The following CHRDL2 variants were observed in gnomAD, a reference collection of about 807,000 sequenced individuals.
CHRDL2 encodes the protein chordin like 2, also known as chordin-like protein 2.
A neutral mutation model predicts 54.3 loss-of-function variants in CHRDL2; 41 were observed. That is an observed-to-expected ratio of 0.76 (90% confidence interval 0.59 to 0.98). The LOEUF is 0.98. Ranked by LOEUF, CHRDL2 falls within the 50% of genes least tolerant of loss-of-function variation. The probability of loss-of-function intolerance (pLI) is 0.00; values close to 1 mark genes in which losing one functional copy is unlikely to be tolerated. For synonymous variants in CHRDL2, 220 were observed against 224.3 expected, an observed-to-expected ratio of 0.98 and a Z score of 0.17; for missense variants, 518 against 562.4, an observed-to-expected ratio of 0.92 and a Z score of 0.80.
At chr11:74,707,390 G>C (rs2135248449) in intron 5 of CHRDL2, among the ~76,000 whole-genome samples, 1 of 152,278 alleles carries the variant, frequency 6.6e-6, no homozygotes, top group Admixed American at 6.5e-5. Flanking sequence ...ACCTCCTCCA[G>C]GAGGCTTTCC....
intron 1 of CHRDL2, among the ~76,000 whole-genome samples, chr11:74,729,393 T>C (rs931988588): frequency 1.3e-5 from 2 of 152,268 alleles, no homozygotes; most frequent in African/African-American, 4.8e-5. Flanking sequence ...TCTGGATTAG[T>C]ATCTCTCTTA....
chr11:74,716,313 G>C (rs558717572), intron 2 of CHRDL2, among the ~76,000 whole-genome samples: 32 of 152,250 alleles, frequency 2.1e-4, no homozygotes, highest in African/African-American at 7.7e-4. Flanking sequence ...AAAGAGGGCA[G>C]ATCATGAGAT....
intron 4 of CHRDL2, among the ~76,000 whole-genome samples, chr11:74,710,080 G>C (rs1275032281): frequency 6.6e-6 from 1 of 152,100 alleles, no homozygotes; most frequent in Non-Finnish European, 1.5e-5. Context: ...GCTGGGCGTG[G>C]TGGTGGGCGC....
At chr11:74,701,779 T>C (rs1298451317) in intron 9 of CHRDL2, 1 of 552,700 alleles carries the variant, frequency 1.8e-6, no homozygotes, top group Non-Finnish European at 3.3e-6. Flanking sequence ...ATTTTTCTTA[T>C]CATCATTCCC....
chr11:74,708,428 G>C, intron 4 of CHRDL2, 33 bp from the exon 5 acceptor site: 1 of 1,484,964 alleles, frequency 6.7e-7, no homozygotes, highest in South Asian at 1.2e-5. Context: ...TGGGAAATGA[G>C]CTCTGATAAG....
At chr11:74,701,087 A>G (rs997286000) in intron 9 of CHRDL2, 1 of 152,360 alleles carries the variant, frequency 6.6e-6, no homozygotes, top group Non-Finnish European at 1.5e-5. Context: ...AAGTGTGACA[A>G]AGTTCTTCTT....
At chr11:74,701,751 G>T (rs2033819784) in intron 9 of CHRDL2, 3 of 542,740 alleles carry the variant, frequency 5.5e-6, no homozygotes. Flanking sequence ...ACACACATTG[G>T]TTATTATTAT....
chr11:74,717,527 G>T (rs1168088254), intron 2 of CHRDL2, among the ~76,000 whole-genome samples: 1 of 152,156 alleles, frequency 6.6e-6, no homozygotes. Context: ...CATGGTGGGG[G>T]TTGTGTCCCC....
At chr11:74,703,062 C>T (rs536653314) in intron 8 of CHRDL2, 95 bp from the exon 9 acceptor site, 38 of 1,249,420 alleles carry the variant, frequency 3.0e-5, no homozygotes, top group Middle Eastern at 2.0e-4. Context: ...TCATGGAATC[C>T]GGAACATTAC....
chr11:74,704,760 G>C lies in CHRDL2; in HGVS notation c.583-106C>G, dbSNP rs1224700633. 13 of 1,111,950 alleles carry C rather than the reference G, an allele frequency of 1.2e-5. No individual in the cohort carries two copies. In the East Asian group the frequency reaches 3.3e-4, roughly 28 times the overall value. 68.9% of individuals were successfully genotyped at this position (1,111,950 alleles called of 1,614,324 possible). ...AGCAAGAGGCTGTGGGGAGACCCCAGCATGACTTCCCAGAGAAGAGAAGGT... is the reference window on the plus strand; with the variant it reads ...AGCAAGAGGCTGTGGGGAGACCCCACCATGACTTCCCAGAGAAGAGAAGGT... On this transcript the variant is annotated intron_variant, in intron 6 of 10. Transcript: ENST00000376332.
intron 5 of CHRDL2, 149 bp from the exon 6 acceptor site, chr11:74,706,691 G>A (rs553451190): frequency 4.4e-6 from 3 of 687,028 alleles, no homozygotes; most frequent in South Asian, 1.8e-5. Context: ...CTTTGCCCCA[G>A]TGGGGACTTC....
At chr11:74,725,845 A>G (rs1391279172) in intron 1 of CHRDL2, among the ~76,000 whole-genome samples, 1 of 152,208 alleles carries the variant, frequency 6.6e-6, no homozygotes, top group Non-Finnish European at 1.5e-5. Flanking sequence ...CCAGGAATGT[A>G]GAACGTTTAC....
chr11:74,712,037 C>T (rs1208005445), intron 3 of CHRDL2, among the ~76,000 whole-genome samples: 1 of 152,052 alleles, frequency 6.6e-6, no homozygotes, highest in African/African-American at 2.4e-5. Context: ...GTCTCAATCT[C>T]TTGACCTTGT....
At chr11:74,700,643 A>ATTATTATTT (rs1554984229) in intron 9 of CHRDL2, among the ~76,000 whole-genome samples, 25 of 136,012 alleles carry the variant, frequency 1.8e-4, no homozygotes, top group Non-Finnish European at 3.4e-4. Context: ...TATTATTATT[A>ATTATTATTT]TTTTTTTTTT....
At chr11:74,710,412 G>A (rs1233657952) in intron 4 of CHRDL2, among the ~76,000 whole-genome samples, 1 of 152,126 alleles carries the variant, frequency 6.6e-6, no homozygotes, top group African/African-American at 2.4e-5. Context: ...ACAATAGGCA[G>A]GAGGAGTTTA....
rs751207592 is a variant in CHRDL2, at chr11:74,710,981, A to C, written c.300T>G (p.Thr100=). ...QCCPKCVEPH[T]PSGLRAPPKS... Reference sequence around the variant, plus strand: ...TTGGTGGGGCCCGGAGTCCAGAGGGAGTGTGAGGTTCTGCAGTGGGGGAGG... The same window carrying C: ...TTGGTGGGGCCCGGAGTCCAGAGGGCGTGTGAGGTTCTGCAGTGGGGGAGG... The change falls in exon 4 of 11, where the codon ACT becomes ACG. Residue 100 remains threonine (T), a synonymous_variant. Transcript: ENST00000376332. 1 of 1,613,236 alleles carries C rather than the reference A, an allele frequency of 6.2e-7. No individual in the cohort carries two copies. The highest frequency in any genetic ancestry group is 8.5e-7 in the Non-Finnish European group (1 of 1,179,612).
At chr11:74,702,765 C>T (rs1167443541) in intron 9 of CHRDL2, 29 bp downstream of exon 9, 1 of 1,609,918 alleles carries the variant, frequency 6.2e-7, no homozygotes, top group Non-Finnish European at 8.5e-7. Flanking sequence ...GCCAGAGGTA[C>T]ACCCCACTGG....
chr11:74,700,100 GA>G (rs1292243378), intron 9 of CHRDL2, among the ~76,000 whole-genome samples: 2 of 152,246 alleles, frequency 1.3e-5, no homozygotes, highest in African/African-American at 4.8e-5. Context: ...AGCTGGATTT[GA>G]ATCTTTGCTT....
At chr11:74,707,429 C>A (rs2034045378) in intron 5 of CHRDL2, among the ~76,000 whole-genome samples, 2 of 152,336 alleles carry the variant, frequency 1.3e-5, no homozygotes, top group South Asian at 4.1e-4. Flanking sequence ...AGGGAACAGT[C>A]CGACCATTTC....
Sources: allele counts gnomAD v4.1 joint callset (sites outside exome capture counted in the v4.1 genomes callset), GRCh38; gene constraint gnomAD v4.1.1; transcripts MANE v1.5; gene names NCBI Gene and HGNC (gene_info 2026-07-23, HGNC 2026-07-21).